The following TOP3A variants were observed in gnomAD, a reference collection of about 807,000 sequenced individuals.
The protein encoded by TOP3A is DNA topoisomerase III alpha, also known as DNA topoisomerase 3-alpha.
Under a neutral mutation model 111.3 loss-of-function variants are expected in TOP3A, and 64 were observed. That is an observed-to-expected ratio of 0.57 (90% CI 0.47 to 0.71). The LOEUF is 0.71. Ranked by LOEUF, TOP3A falls within the 30% of genes least tolerant of loss-of-function variation. TOP3A has a pLI of 0.00. For missense variants in TOP3A, 1,104 were observed against 1,285.0 expected, an observed-to-expected ratio of 0.86 and a Z score of 2.15; for synonymous variants, 484 against 485.1, an observed-to-expected ratio of 1.00 and a Z score of 0.03.
rs1428783578 is a variant in TOP3A, at chr17:18,290,952, C to T, written c.1357G>A (p.Glu453Lys). 6.2e-7 allele frequency: 1 copy of T among 1,614,114 alleles called. No homozygotes were observed. Among genetic ancestry groups the T allele is most frequent in the African/African-American group, 1.3e-5 (1 of 74,938 alleles). ...ACCSQDAQGQ[E>K]TTVEIDIAQE... ...GCGATGTCGATCTCCACTGTGGTCT[C>T]CTGCCCCTGAGCATCCTGGGAGCAG... Residue 453 changes from glutamate (E) to lysine (K), a missense_variant, in exon 12 of 19, where the codon GAG becomes AAG. Glu to Lys is a moderately conservative substitution (Grantham distance 56). Coordinates refer to ENST00000321105, the MANE Select transcript of TOP3A (RefSeq NM_004618.5).
At chr17:18,307,754 G>T (rs1229140548) in intron 3 of TOP3A, among the ~76,000 whole-genome samples, 1 of 150,768 alleles carries the variant, frequency 6.6e-6, no homozygotes, top group East Asian at 2.0e-4. Context: ...TACTAAAATA[G>T]AAAAAATTAG....
rs1981084580 is a variant in TOP3A at position 18,299,488 on chromosome 17, A to G, written c.990+71T>C. 34 of 1,394,472 alleles carry G rather than the reference A, an allele frequency of 2.4e-5. No homozygotes were observed. In the Admixed American group the frequency reaches 5.5e-4, roughly 23 times the overall value. The allele number at this position is 1,394,472 out of a possible 1,614,324, so 86.4% of individuals were successfully genotyped here. On this transcript the variant is annotated intron_variant, in intron 9 of 18. Transcript: ENST00000321105. ...ATTTTCTTCCACCAAGCCACAGTCT[A>G]GGCGGTAGAACCACAGCCTCAAAAC...
chr17:18,309,831 T>A (rs1981805934), intron 1 of TOP3A, among the ~76,000 whole-genome samples: 1 of 145,514 alleles, frequency 6.9e-6, no homozygotes, highest in African/African-American at 2.5e-5. Context: ...TGCCTCAGCC[T>A]CCCGAGTAGC....
intron 8 of TOP3A, 28 bp from the exon 9 acceptor site, chr17:18,299,661 G>A: frequency 6.2e-7 from 1 of 1,600,480 alleles, no homozygotes. Flanking sequence ...AAAAGACCAT[G>A]TTAACCTGTT....
chr17:18,290,849 C>T lies in TOP3A; in HGVS notation c.1460G>A (p.Ser487Asn). 1.2e-6 allele frequency: 2 copies of T among 1,614,152 alleles called. No homozygotes were observed. The highest frequency in any genetic ancestry group is 1.7e-6 in the Non-Finnish European group (2 of 1,180,002). The change falls in exon 12 of 19, where the codon AGT (serine) becomes AAT (asparagine). Residue 487 changes from serine to asparagine, a missense_variant. Ser to Asn is a conservative substitution (Grantham distance 46, BLOSUM62 1). Coordinates refer to ENST00000321105, the MANE Select transcript of TOP3A (RefSeq NM_004618.5). ...GGGACCACTCTTTATTACCTTGTCA[C>T]TCCAGTGATCATATGGATACACATC... ...YLDVYPYDHW[S>N]DKILPVYEQG...
Position 18,301,935 on chromosome 17 carries a change from G to A in TOP3A, c.865C>T (p.Arg289Ter). 2 of 1,614,152 alleles carry A rather than the reference G, an allele frequency of 1.2e-6. No individual in the cohort carries two copies. The highest frequency in any genetic ancestry group is 1.1e-5 in the South Asian group (1 of 91,078). The change falls in exon 8 of 19, where the codon CGA (arginine) becomes TGA (stop). Residue 289 changes from arginine to a stop codon, truncating the protein, a stop_gained. Coordinates refer to ENST00000321105, the MANE Select transcript of TOP3A (RefSeq NM_004618.5). LOFTEE classifies it high-confidence loss of function. ...GIVEFNWKRH[R>*]LFNHTACLVL... is the part of the protein sequence containing the mutation. ...AGGCAAGCCGTGTGGTTAAAGAGTC[G>A]ATGCCTTTTCCAGTTGAATTCTACG... is the stretch of plus-strand genomic sequence containing the variant.
chr17:18,288,772 TCA>T (rs930964290), intron 13 of TOP3A, among the ~76,000 whole-genome samples: 21 of 152,352 alleles, frequency 1.4e-4, no homozygotes, highest in African/African-American at 2.2e-4. Flanking sequence ...AGTCCACCCA[TCA>T]CATTTTCTTC....
In TOP3A at chr17:18,277,737, CAT is replaced by C. The variant is rs1979468682; in HGVS notation, c.2763_2764del (p.Ala923GlnfsTer15). 7.4e-6 allele frequency: 12 copies of C among 1,614,032 alleles called. No homozygotes were observed. The highest frequency in any genetic ancestry group is 2.2e-5 in the East Asian group (1 of 44,892). The stretch of plus-strand genomic sequence containing the variant: ...ACACTGCTGCTCTCTCGGCTTGGCA[CAT>C]GTGTGGAACTGGCGCCCCTTGTTGG... On this transcript the variant is annotated frameshift_variant, in exon 18 of 19. Transcript: ENST00000321105. LOFTEE classifies it high-confidence loss of function.
At chr17:18,299,978 A>C (rs1212288077) in intron 8 of TOP3A, among the ~76,000 whole-genome samples, 1 of 152,208 alleles carries the variant, frequency 6.6e-6, no homozygotes, top group Non-Finnish European at 1.5e-5. Context: ...TTTAAAATAC[A>C]GAGATGGGGT....
intron 1 of TOP3A, 100 bp downstream of exon 1, chr17:18,314,499 G>T: frequency 7.4e-7 from 1 of 1,348,348 alleles, no homozygotes; most frequent in Non-Finnish European, 1.0e-6. Context: ...CTGAGAAATG[G>T]GAGATAATCG....
In TOP3A at chr17:18,277,833, C is replaced by T. The variant is rs745879100; in HGVS notation, c.2669G>A (p.Gly890Asp). The change falls in exon 18 of 19, where the codon GGC becomes GAC. Residue 890 changes from glycine to aspartate, a missense_variant. Gly to Asp is a moderately conservative substitution (Grantham distance 94). Transcript: ENST00000321105. ...AAGGCAGGATGTGCCACTACCACTG[C>T]CATCACCAGGGTTGCCAAACCCACC... ...HLGGFGNPGD[G>D]SGSGTSCLCS... is the part of the protein sequence containing the mutation. 10 of 1,614,016 alleles carry T rather than the reference C, an allele frequency of 6.2e-6. No homozygotes were observed. Among genetic ancestry groups the T allele is most frequent in the African/African-American group, 1.3e-5 (1 of 74,946 alleles).
In TOP3A at chr17:18,314,837, A is replaced by ATTCTTT; in HGVS notation, c.-60_-59insAAAGAA. ...TGCCGGCGCATCCTGGGGAAGCCAG[A>ATTCTTT]GATGAGGCTCAAATGGCGCCCACCG... On this transcript the variant is annotated 5_prime_UTR_variant, in exon 1 of 19. Transcript: ENST00000321105. 7.0e-7 allele frequency: 1 copy of ATTCTTT among 1,418,576 alleles called. No individual in the cohort carries two copies. The highest frequency in any genetic ancestry group is 9.2e-7 in the Non-Finnish European group (1 of 1,081,158). 87.9% of individuals were successfully genotyped at this position (1,418,576 alleles called of 1,614,324 possible). A position where few individuals can be genotyped will look rare whatever the true frequency, so the allele number is the denominator to read the frequency against.
chr17:18,306,369 G>A lies in TOP3A; in HGVS notation c.390+522C>T, dbSNP rs1981581177. On this transcript the variant is annotated intron_variant, in intron 4 of 18. Transcript: ENST00000321105. ...ACGCGCTAATAATTTACAATACTTA[G>A]GATTATTTTTTGATAGGGTCTCACT... 3.9e-5 allele frequency among the ~76,000 whole-genome samples: 6 copies of A among 152,022 alleles called. No homozygotes were observed. In the South Asian group the frequency reaches 1.2e-3, roughly 32 times the overall value.
intron 1 of TOP3A, among the ~76,000 whole-genome samples, chr17:18,310,080 T>C (rs1394052127): frequency 3.3e-5 from 5 of 152,114 alleles, no homozygotes; most frequent in Non-Finnish European, 5.9e-5. Flanking sequence ...AACTGATGTA[T>C]GGTAAAATGA....
rs762989083 is a variant in TOP3A at position 18,280,599 on chromosome 17, G to C, written c.2081C>G (p.Ser694Trp). ...GCTGTCCCTGCTGGCCTCCAGCACCGAGTCAGGAAGCCACACAGCTGAGCG... is the reference window on the plus strand; with the variant it reads ...GCTGTCCCTGCTGGCCTCCAGCACCCAGTCAGGAAGCCACACAGCTGAGCG... ...ECRSAVWLPD[S>W]VLEASRDSSV... Residue 694 changes from serine (S) to tryptophan (W), a missense_variant, in exon 17 of 19, where the codon TCG becomes TGG. Transcript: ENST00000321105. The C allele has an allele frequency of 6.2e-7, 1 of 1,613,958 alleles. No individual in the cohort carries two copies. Among genetic ancestry groups the C allele is most frequent in the African/African-American group, 1.3e-5 (1 of 74,940 alleles).
Position 18,282,814 on chromosome 17 carries a change from A to T in TOP3A, c.1905T>A (p.Phe635Leu). The change falls in exon 16 of 19, where the codon TTT (phenylalanine) becomes TTA (leucine). Residue 635 changes from phenylalanine to leucine, a missense_variant. By Grantham distance (22) the Phe-to-Leu change is conservative. Transcript: ENST00000321105. ...KKLDEALAQY[F>L]GNGTELAQQE... ...GCTGGGCCAACTCTGTCCCATTCCC[A>T]AAGTACTGGGCCAAGGCCTCGTCCA... 6.2e-7 allele frequency: 1 copy of T among 1,614,182 alleles called. No homozygotes were observed. Among genetic ancestry groups the T allele is most frequent in the Non-Finnish European group, 8.5e-7 (1 of 1,180,046 alleles).
chr17:18,301,966 A>G lies in TOP3A; in HGVS notation c.834T>C (p.Asp278=). 3.1e-6 allele frequency: 5 copies of G among 1,614,114 alleles called. No individual in the cohort carries two copies. The highest frequency in any genetic ancestry group is 4.2e-6 in the Non-Finnish European group (5 of 1,179,990). Residue 278 remains aspartate (D), a synonymous_variant, in exon 8 of 19, where the codon GAT becomes GAC. Transcript: ENST00000321105. ...TTTTCCAGTTGAATTCTACGATACC[A>G]TCTTTGTGGTCATGAGTTACTATAT... The part of the protein sequence containing the change: ...HRIKVTHDHK[D]GIVEFNWKRH...
At position 18,286,365 on chromosome 17, in the gene TOP3A, A is replaced by T. The variant is rs9903253; in HGVS notation, c.1598-845T>A. ...AAAAATACAAAAAAAAAAAAAAAAAAATTAGCCGGGTGTGGTGGCGGGCAC... is the reference window on the plus strand; with the variant it reads ...AAAAATACAAAAAAAAAAAAAAAAATATTAGCCGGGTGTGGTGGCGGGCAC... On this transcript the variant is annotated intron_variant, in intron 13 of 18. Transcript: ENST00000321105. 2.9e-3 allele frequency among the ~76,000 whole-genome samples: 439 copies of T among 150,876 alleles called. 2 individuals carry two copies. The highest frequency in any genetic ancestry group is 0.01 in the African/African-American group (425 of 41,078).
rs778169153 is a variant in TOP3A, at chr17:18,277,805, G to A, written c.2697C>T (p.Cys899=). The A allele has an allele frequency of 1.2e-6, 2 of 1,614,122 alleles. No individual in the cohort carries two copies. The highest frequency in any genetic ancestry group is 2.2e-5 in the South Asian group (2 of 91,086). ...DGSGSGTSCL[C]SQPSVTRTVQ... The stretch of plus-strand genomic sequence containing the variant: ...CAGTCCGTGTGACGGAGGGCTGGCT[G>A]CAAAGGCAGGATGTGCCACTACCAC... The change falls in exon 18 of 19, where the codon TGC becomes TGT. Residue 899 remains cysteine, a synonymous_variant. Coordinates refer to ENST00000321105, the MANE Select transcript of TOP3A (RefSeq NM_004618.5).
Sources: allele counts gnomAD v4.1 joint callset (sites outside exome capture counted in the v4.1 genomes callset), GRCh38; gene constraint gnomAD v4.1.1; transcripts MANE v1.5; gene names NCBI Gene and HGNC (gene_info 2026-07-23, HGNC 2026-07-21).